HIRA: variants seen among roughly 807,000 people sequenced by gnomAD.
HIRA encodes protein HIRA.
In HIRA, 13 loss-of-function variants were observed where a neutral mutation model predicts 126.6. The observed-to-expected ratio is 0.10, with a 90% confidence interval of 0.07 to 0.16. The LOEUF is 0.16. Ranked by LOEUF, HIRA falls within the 10% of genes least tolerant of loss-of-function variation. The pLI is 1.00. For synonymous variants in HIRA, 511 were observed against 520.0 expected, an observed-to-expected ratio of 0.98 and a Z score of 0.24; for missense variants, 834 against 1,314.4, an observed-to-expected ratio of 0.63 and a Z score of 5.65.
chr22:19,411,049 T>C (rs779452117), intron 1 of HIRA, among the ~76,000 whole-genome samples: 1 of 152,216 alleles, frequency 6.6e-6, no homozygotes, highest in Non-Finnish European at 1.5e-5. Flanking sequence ...AGGTACTTAG[T>C]GAAAAGGGCA....
intron 24 of HIRA, among the ~76,000 whole-genome samples, chr22:19,349,197 C>T (rs183186701): frequency 1.4e-5 from 2 of 144,384 alleles, no homozygotes; most frequent in Admixed American, 1.4e-4. Flanking sequence ...CCTCCTCCTC[C>T]CGGTTCAAGC....
At chr22:19,365,284 CAG>C (rs2088902221) in intron 15 of HIRA, among the ~76,000 whole-genome samples, 1 of 152,200 alleles carries the variant, frequency 6.6e-6, no homozygotes. Context: ...CACTAAACAA[CAG>C]ATTGTCAGTG....
At chr22:19,356,580 C>T (rs1415122683) in intron 19 of HIRA, among the ~76,000 whole-genome samples, 1 of 152,252 alleles carries the variant, frequency 6.6e-6, no homozygotes. Context: ...TGGCCACATT[C>T]TGCCAGCTAA....
chr22:19,409,891 G>C (rs1053757133), intron 2 of HIRA, among the ~76,000 whole-genome samples: 3 of 151,352 alleles, frequency 2.0e-5, no homozygotes, highest in African/African-American at 7.3e-5. Context: ...AGGAGAGAAA[G>C]GCTTCCCTGC....
chr22:19,399,235 A>G, intron 5 of HIRA: 3 of 807,866 alleles, frequency 3.7e-6, no homozygotes, highest in Non-Finnish European at 4.5e-6. Flanking sequence ...AGAAACAAAC[A>G]TAGCAGCAAG....
At chr22:19,427,729 CA>C (rs959605733) in intron 1 of HIRA, among the ~76,000 whole-genome samples, 9 of 152,194 alleles carry the variant, frequency 5.9e-5, no homozygotes, top group African/African-American at 2.2e-4. Flanking sequence ...AAGAGCTGAG[CA>C]TAAGCGCTGT....
chr22:19,406,388 C>T (rs2089308123), intron 4 of HIRA, among the ~76,000 whole-genome samples: 1 of 152,194 alleles, frequency 6.6e-6, no homozygotes, highest in East Asian at 1.9e-4. Context: ...AAGCATCTCA[C>T]AATGAATCAA....
chr22:19,349,921 T>C (rs1273578586), intron 24 of HIRA, among the ~76,000 whole-genome samples: 1 of 152,146 alleles, frequency 6.6e-6, no homozygotes, highest in African/African-American at 2.4e-5. Context: ...CTCCCAAATA[T>C]ATGCATGGTT....
At chr22:19,367,594 T>C (rs2088926036) in intron 15 of HIRA, among the ~76,000 whole-genome samples, 1 of 152,338 alleles carries the variant, frequency 6.6e-6, no homozygotes, top group South Asian at 2.1e-4. Context: ...CTCGAATTCC[T>C]GACCTCAGGT....
At chr22:19,396,749 G>A (rs758588502) in intron 7 of HIRA, 38 bp downstream of exon 7, 1 of 1,606,254 alleles carries the variant, frequency 6.2e-7, no homozygotes. Context: ...GGCTGGGGCA[G>A]CTGCGGGGGC....
At chr22:19,367,820 A>G (rs2088927960) in intron 15 of HIRA, among the ~76,000 whole-genome samples, 1 of 152,218 alleles carries the variant, frequency 6.6e-6, no homozygotes, top group Non-Finnish European at 1.5e-5. Context: ...TTCTTTTCCC[A>G]AATATTTTTG....
chr22:19,359,233 G>A (rs1601815903), intron 18 of HIRA, 103 bp downstream of exon 18: 11 of 1,225,492 alleles, frequency 9.0e-6, no homozygotes, highest in Non-Finnish European at 1.1e-6. Flanking sequence ...TGTGGGAGCT[G>A]GTGCTCCCAG....
chr22:19,350,596 C>T (rs2088745516), intron 24 of HIRA, among the ~76,000 whole-genome samples: 4 of 152,170 alleles, frequency 2.6e-5, no homozygotes, highest in Non-Finnish European at 5.9e-5. Flanking sequence ...CCACACTGAT[C>T]CAAGTCACCT....
At chr22:19,393,583 C>G (rs2089199911) in intron 8 of HIRA, among the ~76,000 whole-genome samples, 2 of 152,064 alleles carry the variant, frequency 1.3e-5, no homozygotes, top group African/African-American at 4.8e-5. Context: ...GTCTTGACCT[C>G]CTGACCTCAT....
chr22:19,397,491 T>C (rs886829219), intron 6 of HIRA, among the ~76,000 whole-genome samples: 1 of 152,244 alleles, frequency 6.6e-6, no homozygotes. Flanking sequence ...AAGGAAAGCA[T>C]ACTTCAAATA....
intron 2 of HIRA, 33 bp from the exon 3 acceptor site, chr22:19,408,626 C>T: frequency 2.4e-6 from 3 of 1,228,570 alleles, no homozygotes; most frequent in Non-Finnish European, 3.6e-6. Flanking sequence ...GCTGAATGTG[C>T]AAGGAGTAGA....
chr22:19,424,749 T>C (rs2089475916), intron 1 of HIRA, among the ~76,000 whole-genome samples: 1 of 152,188 alleles, frequency 6.6e-6, no homozygotes, highest in Non-Finnish European at 1.5e-5. Context: ...GGGGGTCACC[T>C]CATCTCACTC....
chr22:19,424,594 G>A (rs556648475), intron 1 of HIRA, among the ~76,000 whole-genome samples: 2 of 152,316 alleles, frequency 1.3e-5, no homozygotes, highest in African/African-American at 2.4e-5. Context: ...GAGGAAATGG[G>A]CCTGAAGCTC....
rs762883905 is a variant in HIRA at position 19,378,020 on chromosome 22, G to A, written c.1462C>T (p.Leu488=). 3.1e-6 allele frequency: 5 copies of A among 1,604,092 alleles called. No individual in the cohort carries two copies. The highest frequency in any genetic ancestry group is 4.3e-6 in the Non-Finnish European group (5 of 1,174,480). ...FFNSIPLSGS[L]AGTMLSSHSS... ...TGAGAAGAGAGCATGGTGCCCGCCA[G>A]GGAGCCCGAGAGGGGGATGCTGTTA... is the stretch of plus-strand genomic sequence containing the variant. The change falls in exon 14 of 25, where the codon CTG becomes TTG. Residue 488 remains leucine (L), a synonymous_variant. Coordinates refer to ENST00000263208, the MANE Select transcript of HIRA (RefSeq NM_003325.4).
Sources: gnomAD v4.1 joint callset for allele counts (sites outside exome capture counted in the v4.1 genomes callset) on GRCh38, gnomAD v4.1.1 for gene constraint, MANE v1.5 for transcripts, NCBI Gene and HGNC (gene_info 2026-07-23, HGNC 2026-07-21) for gene names.